CSMD1: variants seen among roughly 807,000 people sequenced by gnomAD.
The protein encoded by CSMD1 is CUB and Sushi multiple domains 1, also known as CUB and sushi domain-containing protein 1.
CSMD1 carries 213 observed loss-of-function variants against 417.5 expected under a neutral mutation model. The observed-to-expected ratio is 0.51, with a 90% CI of 0.46 to 0.57. The LOEUF is 0.57. Among genes scored for constraint, CSMD1 ranks in the 20% least tolerant of loss-of-function variants. The probability of loss-of-function intolerance (pLI) is 0.00; values close to 1 mark genes in which losing one functional copy is unlikely to be tolerated. For synonymous variants in CSMD1, 2,862 were observed against 1,736.8 expected, an observed-to-expected ratio of 1.65 and a Z score of -16.11; for missense variants, 6,923 against 4,529.7, an observed-to-expected ratio of 1.53 and a Z score of -15.17.
At chr8:3,971,952 G>C (rs1416646461) in intron 5 of CSMD1, among the ~76,000 whole-genome samples, 1 of 152,050 alleles carries the variant, frequency 6.6e-6, no homozygotes, top group Non-Finnish European at 1.5e-5. Flanking sequence ...CTGTTGCCCA[G>C]GCTGGAGTGC....
At position 3,052,940 on chromosome 8, in the gene CSMD1, C is replaced by G. The variant is rs548307702; in HGVS notation, c.7475-293G>C. Among the ~76,000 whole-genome samples the G allele has an allele frequency of 8.6e-5, 13 of 152,032 alleles. 1 individual carries two copies. In the East Asian group the frequency reaches 2.5e-3, roughly 29 times the overall value. The stretch of plus-strand genomic sequence containing the variant: ...AAGCAGCTGAGATTACAGGTGCACA[C>G]CACCATGCTGGCTAATTCTCTATTT... On this transcript the variant is annotated intron_variant, in intron 49 of 69. Coordinates refer to ENST00000635120, the MANE Select transcript of CSMD1 (RefSeq NM_033225.6).
intron 5 of CSMD1, among the ~76,000 whole-genome samples, chr8:3,982,252 TA>T (rs1813941440): frequency 6.6e-6 from 1 of 150,946 alleles, no homozygotes; most frequent in Non-Finnish European, 1.5e-5. Context: ...AGCTAAAACT[TA>T]AGAATGCTGG....
At chr8:4,591,894 G>T (rs111626212) in intron 2 of CSMD1, among the ~76,000 whole-genome samples, 1 of 152,242 alleles carries the variant, frequency 6.6e-6, no homozygotes, top group African/African-American at 2.4e-5. Flanking sequence ...GAGGCTGAAA[G>T]TTGGGCAGAC....
intron 26 of CSMD1, among the ~76,000 whole-genome samples, chr8:3,238,822 G>A (rs1799313350): frequency 6.6e-6 from 1 of 152,198 alleles, no homozygotes; most frequent in South Asian, 2.1e-4. Context: ...AGTGTTAAGA[G>A]TGGCAGGTTG....
intron 1 of CSMD1, among the ~76,000 whole-genome samples, chr8:4,818,118 C>T (rs1383721480): frequency 2.6e-5 from 4 of 152,018 alleles, no homozygotes; most frequent in African/African-American, 7.2e-5. Flanking sequence ...AACTAAAAGT[C>T]GGGAAGCCTA....
At chr8:4,455,402 C>T (rs576970739) in intron 2 of CSMD1, among the ~76,000 whole-genome samples, 5 of 152,070 alleles carry the variant, frequency 3.3e-5, no homozygotes, top group East Asian at 1.9e-4. Flanking sequence ...TTATACACAG[C>T]TGTCATGTGT....
chr8:3,996,360 G>C (rs967133142), intron 5 of CSMD1, among the ~76,000 whole-genome samples: 4 of 152,128 alleles, frequency 2.6e-5, no homozygotes, highest in Non-Finnish European at 4.4e-5. Context: ...TTTAAAACTA[G>C]GAAGAGGTGA....
chr8:3,578,753 T>A (rs1483888361), intron 9 of CSMD1, among the ~76,000 whole-genome samples: 5 of 152,158 alleles, frequency 3.3e-5, no homozygotes, highest in Admixed American at 2.0e-4. Flanking sequence ...CTGGACAATT[T>A]CATAGCATCC....
chr8:4,454,673 T>A (rs752337447), intron 2 of CSMD1, among the ~76,000 whole-genome samples: 305 of 152,310 alleles, frequency 2.0e-3, no homozygotes, highest in Non-Finnish European at 3.5e-3. Flanking sequence ...CCTATTATCT[T>A]AGCATGTTCT....
At chr8:3,867,098 T>A (rs1805156235) in intron 5 of CSMD1, among the ~76,000 whole-genome samples, 1 of 152,214 alleles carries the variant, frequency 6.6e-6, no homozygotes, top group Non-Finnish European at 1.5e-5. Flanking sequence ...TTGTAACCAT[T>A]TTGATTGATT....
intron 41 of CSMD1, chr8:3,128,557 G>A (rs180890986): frequency 3.8e-6 from 1 of 263,632 alleles, no homozygotes; most frequent in Non-Finnish European, 7.5e-6. Flanking sequence ...ATCTCAAGTA[G>A]AACCTAGGAA....
chr8:3,729,201 G>T (rs1017238929), intron 6 of CSMD1, among the ~76,000 whole-genome samples: 1 of 152,072 alleles, frequency 6.6e-6, no homozygotes, highest in Non-Finnish European at 1.5e-5. Flanking sequence ...AAGCAATGCC[G>T]TCTTAAAAAG....
rs565532237 is a variant in CSMD1, at chr8:4,298,115, C to T, written c.415+121838G>A. On this transcript the variant is annotated intron_variant, in intron 3 of 69. Transcript: ENST00000635120. ...GGTATAAAGGACCTGGAGAACATCC[C>T]AGGGCACTGGGGACATATTCAAAAA... Among the ~76,000 whole-genome samples the T allele has an allele frequency of 1.2e-4, 19 of 152,170 alleles. No individual in the cohort carries two copies. In the South Asian group the frequency reaches 3.9e-3, roughly 32 times the overall value.
intron 10 of CSMD1, among the ~76,000 whole-genome samples, chr8:3,509,361 T>A (rs1395667487): frequency 1.3e-5 from 2 of 152,204 alleles, no homozygotes; most frequent in African/African-American, 4.8e-5. Context: ...CCAAGTCAAC[T>A]TTGTCATAAG....
chr8:3,653,952 G>T (rs1180657436), intron 7 of CSMD1, among the ~76,000 whole-genome samples: 3 of 152,174 alleles, frequency 2.0e-5, no homozygotes, highest in East Asian at 1.9e-4. Flanking sequence ...TTTCACCCAT[G>T]ACAGCCTACT....
intron 3 of CSMD1, among the ~76,000 whole-genome samples, chr8:4,196,100 G>A (rs573320643): frequency 1.3e-5 from 2 of 152,092 alleles, no homozygotes; most frequent in Admixed American, 1.3e-4. Flanking sequence ...AGTCCCAGCT[G>A]CTGGGGAGAC....
chr8:4,601,822 C>A (rs956130290), intron 2 of CSMD1, among the ~76,000 whole-genome samples: 2 of 152,128 alleles, frequency 1.3e-5, no homozygotes, highest in Non-Finnish European at 2.9e-5. Flanking sequence ...CTGAGCATGT[C>A]TGAGGTTAGC....
intron 17 of CSMD1, among the ~76,000 whole-genome samples, chr8:3,390,414 A>G (rs62503523): frequency 0.1 from 15,834 of 150,910 alleles, 943 homozygotes; most frequent in African/African-American, 0.13. Flanking sequence ...CTCCAATGGA[A>G]CAATACATTT....
At chr8:3,512,398 T>C (rs75877837) in intron 10 of CSMD1, among the ~76,000 whole-genome samples, 10,947 of 152,122 alleles carry the variant, frequency 0.072, 485 homozygotes, top group Admixed American at 0.15. Context: ...TCTCTCCCCA[T>C]AGACAGGCTT....
Sources: allele counts gnomAD v4.1 joint callset (sites outside exome capture counted in the v4.1 genomes callset), GRCh38; gene constraint gnomAD v4.1.1; transcripts MANE v1.5; gene names NCBI Gene and HGNC (gene_info 2026-07-23, HGNC 2026-07-21).